Variants in SLC2A13 observed in about 807,000 individuals in gnomAD.
The protein encoded by SLC2A13 is proton myo-inositol cotransporter.
A neutral mutation model predicts 64.4 loss-of-function variants in SLC2A13; 32 were observed. The ratio of observed to expected loss-of-function variants is 0.50; its 90% CI spans 0.37 to 0.67. SLC2A13 has a LOEUF of 0.67. Among genes scored for constraint, SLC2A13 ranks in the 30% least tolerant of loss-of-function variants. SLC2A13 has a pLI of 0.00. For missense variants in SLC2A13, 743 were observed against 829.2 expected, an observed-to-expected ratio of 0.90 and a Z score of 1.28; for synonymous variants, 338 against 327.1, an observed-to-expected ratio of 1.03 and a Z score of -0.36.
chr12:40,024,530 C>T (rs1392957250), intron 3 of SLC2A13, among the ~76,000 whole-genome samples: 1 of 152,194 alleles, frequency 6.6e-6, no homozygotes, highest in East Asian at 1.9e-4. Context: ...CTAACCATCC[C>T]ATGTAAAGTA....
At chr12:39,861,714 C>G (rs1243446469) in intron 6 of SLC2A13, among the ~76,000 whole-genome samples, 1 of 152,130 alleles carries the variant, frequency 6.6e-6, no homozygotes, top group Non-Finnish European at 1.5e-5. Flanking sequence ...ATATATGATT[C>G]AGATGATACT....
intron 6 of SLC2A13, among the ~76,000 whole-genome samples, chr12:39,851,256 CA>C (rs1943459278): frequency 6.6e-6 from 1 of 151,970 alleles, no homozygotes; most frequent in Admixed American, 6.6e-5. Flanking sequence ...CATTTGTTTC[CA>C]AAATGGACAA....
chr12:39,927,174 C>G (rs1945744608), intron 4 of SLC2A13, among the ~76,000 whole-genome samples: 2 of 152,100 alleles, frequency 1.3e-5, no homozygotes, highest in African/African-American at 4.8e-5. Flanking sequence ...AATCAAATGG[C>G]CTGGTGCTTT....
At chr12:39,826,824 T>C (rs1185208584) in intron 7 of SLC2A13, among the ~76,000 whole-genome samples, 1 of 150,438 alleles carries the variant, frequency 6.6e-6, no homozygotes, top group Non-Finnish European at 1.5e-5. Context: ...AAATACACTA[T>C]TTCCTTTATT....
intron 3 of SLC2A13, among the ~76,000 whole-genome samples, chr12:39,993,166 G>T: frequency 6.6e-6 from 1 of 152,182 alleles, no homozygotes; most frequent in East Asian, 1.9e-4. Flanking sequence ...AATATAAAAC[G>T]TTTTATTTCA....
intron 4 of SLC2A13, among the ~76,000 whole-genome samples, chr12:39,891,976 T>C (rs1011189731): frequency 1.3e-5 from 2 of 149,852 alleles, no homozygotes; most frequent in Admixed American, 6.6e-5. Context: ...ATCTGAACGA[T>C]TTTTTTACTA....
At chr12:40,066,530 C>A (rs934591917) in intron 1 of SLC2A13, among the ~76,000 whole-genome samples, 50 of 152,116 alleles carry the variant, frequency 3.3e-4, no homozygotes, top group Admixed American at 3.2e-3. Context: ...CAATAATAAT[C>A]CATCACTTAT....
At chr12:39,840,630 C>T (rs1016963300) in intron 6 of SLC2A13, among the ~76,000 whole-genome samples, 1 of 151,972 alleles carries the variant, frequency 6.6e-6, no homozygotes, top group Non-Finnish European at 1.5e-5. Flanking sequence ...ACTTCCTTTG[C>T]TTCAAGACTC....
intron 3 of SLC2A13, among the ~76,000 whole-genome samples, chr12:40,019,029 T>C (rs762814179): frequency 1.3e-5 from 2 of 152,112 alleles, no homozygotes; most frequent in Non-Finnish European, 2.9e-5. Context: ...ATCCTGTCTG[T>C]GTGTTGCAAT....
chr12:39,787,725 C>T (rs1291697935), intron 7 of SLC2A13, among the ~76,000 whole-genome samples: 1 of 151,990 alleles, frequency 6.6e-6, no homozygotes, highest in Non-Finnish European at 1.5e-5. Flanking sequence ...GGGCAAGAGA[C>T]AAGATAAGGT....
At chr12:40,062,168 A>G (rs1948433935) in intron 1 of SLC2A13, among the ~76,000 whole-genome samples, 1 of 152,098 alleles carries the variant, frequency 6.6e-6, no homozygotes. Flanking sequence ...TTAAAAATTG[A>G]TGTGTTAAAA....
At chr12:39,780,892 G>T (rs1290916161) in intron 7 of SLC2A13, among the ~76,000 whole-genome samples, 1 of 152,158 alleles carries the variant, frequency 6.6e-6, no homozygotes, top group African/African-American at 2.4e-5. Flanking sequence ...GAAAATACAT[G>T]TGGAGTGTCT....
At chr12:40,009,469 C>T (rs1233787182) in intron 3 of SLC2A13, among the ~76,000 whole-genome samples, 1 of 152,076 alleles carries the variant, frequency 6.6e-6, no homozygotes, top group Non-Finnish European at 1.5e-5. Context: ...TATTCTGTCA[C>T]CTAGGCTGGA....
chr12:39,871,886 T>C lies in SLC2A13; in HGVS notation c.1110A>G (p.Thr370=), dbSNP rs746778735. 4 of 1,612,178 alleles carry C rather than the reference T, an allele frequency of 2.5e-6. No individual in the cohort carries two copies. Among genetic ancestry groups the C allele is most frequent in the African/African-American group, 2.7e-5 (2 of 74,838 alleles). ...DRLAIWLASV[T]AFTNFIFTLV... ...GTGTGAAAATGAAATTTGTGAAGGC[T>C]GTAACTGAAGCCAGCCATATTGCAA... The change falls in exon 5 of 10, where the codon ACA becomes ACG. Residue 370 remains threonine, a synonymous_variant. Coordinates refer to ENST00000280871, the MANE Select transcript of SLC2A13 (RefSeq NM_052885.4).
chr12:39,961,607 T>G (rs1182463961), intron 3 of SLC2A13, among the ~76,000 whole-genome samples: 2 of 152,044 alleles, frequency 1.3e-5, no homozygotes, highest in Non-Finnish European at 2.9e-5. Flanking sequence ...CGAGCAATCC[T>G]CTCGCCTCAA....
chr12:40,086,174 A>G (rs769219447), intron 1 of SLC2A13, among the ~76,000 whole-genome samples: 4 of 152,114 alleles, frequency 2.6e-5, no homozygotes, highest in Admixed American at 6.5e-5. Flanking sequence ...AAATCTGGGA[A>G]ACTTCTGAAG....
intron 7 of SLC2A13, among the ~76,000 whole-genome samples, chr12:39,805,792 G>T (rs1405422048): frequency 6.6e-6 from 1 of 152,138 alleles, no homozygotes; most frequent in Non-Finnish European, 1.5e-5. Context: ...CAGAGTTGAG[G>T]TTTTAAATAA....
intron 1 of SLC2A13, among the ~76,000 whole-genome samples, chr12:40,067,334 T>C (rs1937771622): frequency 6.6e-6 from 1 of 152,188 alleles, no homozygotes; most frequent in Non-Finnish European, 1.5e-5. Context: ...CCTGAGTAGA[T>C]AGGGCTACAG....
rs147122597 is a variant in SLC2A13, at chr12:39,882,611, C to A, written c.1035-10650G>T. 3.0e-3 allele frequency among the ~76,000 whole-genome samples: 453 copies of A among 152,272 alleles called. 4 individuals carry two copies. Among genetic ancestry groups the A allele is most frequent in the Non-Finnish European group, 5.1e-3 (345 of 68,006 alleles). Reference sequence around the variant, plus strand: ...CTTTCCACTATCCCAGTCTATGCAGCCTCAGGTGAAGTCTTGCCTATAATT... The same window carrying A: ...CTTTCCACTATCCCAGTCTATGCAGACTCAGGTGAAGTCTTGCCTATAATT... On this transcript the variant is annotated intron_variant, in intron 4 of 9. Transcript: ENST00000280871.
Sources: gnomAD v4.1 joint callset for allele counts (sites outside exome capture counted in the v4.1 genomes callset) on GRCh38, gnomAD v4.1.1 for gene constraint, MANE v1.5 for transcripts, NCBI Gene and HGNC (gene_info 2026-07-23, HGNC 2026-07-21) for gene names.